The following PCDH11X variants were observed in gnomAD, a reference collection of about 807,000 sequenced individuals.
PCDH11X encodes protocadherin 11 X-linked, also known as protocadherin-11 X-linked.
A neutral mutation model predicts 53.3 loss-of-function variants in PCDH11X; 18 were observed. That is an observed-to-expected ratio of 0.34 (90% CI 0.23 to 0.50). The LOEUF is 0.50. Among genes scored for constraint, PCDH11X ranks in the 20% least tolerant of loss-of-function variants. The pLI is 0.98. For synonymous variants in PCDH11X, 279 were observed against 393.3 expected (o/e 0.71, Z 3.44); for missense variants, 570 against 1,032.4 (o/e 0.55, Z 6.14).
At chrX:92,131,792 T>A (rs1419313934) in intron 6 of PCDH11X, among the ~76,000 whole-genome samples, 2 of 109,861 alleles carry the variant, frequency 1.8e-5, no homozygotes. Flanking sequence ...CACGGAGGTT[T>A]GGGGAGTTCC....
chrX:92,256,594 A>T (rs935596946), intron 7 of PCDH11X, among the ~76,000 whole-genome samples: 3 of 111,383 alleles, frequency 2.7e-5, no homozygotes, highest in Non-Finnish European at 5.7e-5. Context: ...TGTCCAGGAT[A>T]TGCAGGTTTG....
chrX:92,058,613 T>C (rs2063485287), intron 6 of PCDH11X, among the ~76,000 whole-genome samples: 1 of 111,443 alleles, frequency 9.0e-6, no homozygotes, highest in Non-Finnish European at 1.9e-5. Context: ...ATACATATGG[T>C]CAAATAGTTA....
intron 1 of PCDH11X, among the ~76,000 whole-genome samples, chrX:91,804,600 TA>T (rs1936036338): frequency 9.1e-6 from 1 of 109,596 alleles, no homozygotes; most frequent in Non-Finnish European, 1.9e-5. Context: ...ATTGTATTTT[TA>T]AACTGATCAC....
intron 6 of PCDH11X, among the ~76,000 whole-genome samples, chrX:92,111,948 G>A (rs2064524694): frequency 9.2e-6 from 1 of 108,659 alleles, no homozygotes; most frequent in Non-Finnish European, 1.9e-5. Flanking sequence ...TAGTAGAGAC[G>A]GGGTTTCACC....
At chrX:91,913,486 G>A (rs1232430274) in intron 6 of PCDH11X, among the ~76,000 whole-genome samples, 1 of 111,061 alleles carries the variant, frequency 9.0e-6, no homozygotes, top group Non-Finnish European at 1.9e-5. Context: ...GGCCAGGATT[G>A]CCTATGGAAC....
intron 6 of PCDH11X, among the ~76,000 whole-genome samples, chrX:91,895,921 G>A (rs1335125361): frequency 1.0e-4 from 10 of 100,385 alleles, no homozygotes; most frequent in East Asian, 9.2e-4. Context: ...ACATATACAC[G>A]TATATTATGT....
At chrX:92,234,089 T>C (rs751706632) in intron 7 of PCDH11X, among the ~76,000 whole-genome samples, 3 of 112,336 alleles carry the variant, frequency 2.7e-5, no homozygotes, top group African/African-American at 9.7e-5. Context: ...AATTAGTTTC[T>C]AAAATGGGAA....
At chrX:92,448,240 G>A (rs2578876) in intron 9 of PCDH11X, among the ~76,000 whole-genome samples, 2 of 109,971 alleles carry the variant, frequency 1.8e-5, no homozygotes, top group Non-Finnish European at 3.8e-5. Flanking sequence ...ATGTTAAGAC[G>A]TGAGATTTGG....
intron 6 of PCDH11X, among the ~76,000 whole-genome samples, chrX:91,994,336 G>T (rs970615974): frequency 8.2e-5 from 9 of 109,324 alleles, no homozygotes; most frequent in Non-Finnish European, 1.9e-5. Context: ...CCTTGGTAAT[G>T]ACCATTCTGC....
chrX:91,945,989 C>A (rs1020734818), intron 6 of PCDH11X, among the ~76,000 whole-genome samples: 1 of 109,090 alleles, frequency 9.2e-6, no homozygotes, highest in South Asian at 4.0e-4. Flanking sequence ...CTACATTATA[C>A]TTTTAATTGG....
At chrX:91,880,286 T>C (rs2147738298) in intron 6 of PCDH11X, among the ~76,000 whole-genome samples, 1 of 111,830 alleles carries the variant, frequency 8.9e-6, no homozygotes, top group East Asian at 2.8e-4. Flanking sequence ...TGCTACATGT[T>C]GAGTTTATTA....
At chrX:92,587,604 A>G (rs1355305243) in intron 10 of PCDH11X, among the ~76,000 whole-genome samples, 1 of 111,142 alleles carries the variant, frequency 9.0e-6, no homozygotes, top group Non-Finnish European at 1.9e-5. Flanking sequence ...AAACAGATGA[A>G]TTATGCTCTG....
At chrX:92,060,008 G>T (rs1229452839) in intron 6 of PCDH11X, among the ~76,000 whole-genome samples, 1 of 110,371 alleles carries the variant, frequency 9.1e-6, no homozygotes, top group Non-Finnish European at 1.9e-5. Flanking sequence ...ATCCAATTAG[G>T]TTCTTCTTTT....
intron 6 of PCDH11X, among the ~76,000 whole-genome samples, chrX:92,148,118 C>T (rs1202811468): frequency 8.3e-5 from 1 of 11,982 alleles, no homozygotes; most frequent in African/African-American, 3.9e-4. Flanking sequence ...TTCTTTCTTT[C>T]TTTCTTTCTT....
At chrX:92,270,891 T>A (rs1426262928) in intron 8 of PCDH11X, among the ~76,000 whole-genome samples, 1 of 111,919 alleles carries the variant, frequency 8.9e-6, no homozygotes, top group Non-Finnish European at 1.9e-5. Context: ...TTTGGCATAG[T>A]GAATTGGGCT....
chrX:92,003,523 T>G (rs1489424935), intron 6 of PCDH11X, among the ~76,000 whole-genome samples: 11 of 106,823 alleles, frequency 1.0e-4, no homozygotes, highest in Non-Finnish European at 1.9e-4. Flanking sequence ...TTTTTTTTTT[T>G]CTTTTTTTTT....
chrX:92,049,774 G>A (rs1398169563), intron 6 of PCDH11X, among the ~76,000 whole-genome samples: 1 of 110,697 alleles, frequency 9.0e-6, no homozygotes, highest in East Asian at 2.9e-4. Flanking sequence ...GTGGTTTTTT[G>A]TTTGTTTGTT....
intron 6 of PCDH11X, among the ~76,000 whole-genome samples, chrX:92,013,229 A>G (rs2062723975): frequency 8.9e-6 from 1 of 111,743 alleles, no homozygotes; most frequent in South Asian, 3.8e-4. Context: ...GCATTCTTAT[A>G]CACCAATAAC....
intron 5 of PCDH11X, among the ~76,000 whole-genome samples, chrX:91,864,331 A>C (rs1721273835): frequency 9.6e-6 from 1 of 103,884 alleles, no homozygotes; most frequent in Non-Finnish European, 1.9e-5. Flanking sequence ...TCTGATCTGT[A>C]AGATTTACAC....
Sources: gnomAD v4.1 joint callset for allele counts (sites outside exome capture counted in the v4.1 genomes callset) on GRCh38, gnomAD v4.1.1 for gene constraint, MANE v1.5 for transcripts, NCBI Gene and HGNC (gene_info 2026-07-23, HGNC 2026-07-21) for gene names.